Variants in F13A1 observed in about 807,000 individuals in gnomAD.
F13A1 encodes the protein coagulation factor XIII A chain, also known as FSF, A subunit.
Under a neutral mutation model 80.1 loss-of-function variants are expected in F13A1, and 47 were observed. The ratio of observed to expected loss-of-function variants is 0.59; its 90% CI spans 0.46 to 0.75. The LOEUF (loss-of-function observed/expected upper bound fraction) is 0.75, where lower values mean the gene tolerates loss of function less well. Among genes scored for constraint, F13A1 ranks in the 30% least tolerant of loss-of-function variants. F13A1 has a pLI of 0.00. For missense variants in F13A1, 817 were observed against 930.4 expected, an observed-to-expected ratio of 0.88 and a Z score of 1.59; for synonymous variants, 349 against 344.9, an observed-to-expected ratio of 1.01 and a Z score of -0.13.
chr6:6,182,804 T>G lies in F13A1; in HGVS notation c.1306-663A>C, dbSNP rs112332484. On this transcript the variant is annotated intron_variant, in intron 10 of 14. Coordinates refer to ENST00000264870, the MANE Select transcript of F13A1 (RefSeq NM_000129.4). ...CTAAGCCCGCATCAGGACCACCTATTTCAGGATTTCTTATATGAGAAAATC... is the reference window on the plus strand; with the variant it reads ...CTAAGCCCGCATCAGGACCACCTATGTCAGGATTTCTTATATGAGAAAATC... Among the ~76,000 whole-genome samples the G allele has an allele frequency of 8.5e-3, 1,299 of 152,322 alleles. 19 individuals carry two copies. The highest frequency in any genetic ancestry group is 0.029 in the African/African-American group (1,195 of 41,564).
At chr6:6,249,590 T>C (rs1757602510) in intron 5 of F13A1, among the ~76,000 whole-genome samples, 1 of 152,220 alleles carries the variant, frequency 6.6e-6, no homozygotes. Context: ...AAGAGTGCCC[T>C]GACTGGGCTT....
At chr6:6,171,085 A>G (rs900335617) in intron 12 of F13A1, among the ~76,000 whole-genome samples, 1 of 152,168 alleles carries the variant, frequency 6.6e-6, no homozygotes, top group Admixed American at 6.5e-5. Context: ...TAATTGGATT[A>G]AAGAGGGAAG....
intron 3 of F13A1, among the ~76,000 whole-genome samples, chr6:6,273,069 G>T (rs548894128): frequency 1.5e-4 from 23 of 152,258 alleles, no homozygotes; most frequent in Non-Finnish European, 2.8e-4. Context: ...TGCTCTCTGT[G>T]ACTCACCCTG....
intron 13 of F13A1, among the ~76,000 whole-genome samples, chr6:6,160,285 A>AG (rs1760550600): frequency 6.6e-6 from 1 of 150,652 alleles, no homozygotes; most frequent in African/African-American, 2.4e-5. Flanking sequence ...TAAAAAAAAA[A>AG]AAGGAAAGAA....
At chr6:6,292,472 G>A (rs535538677) in intron 3 of F13A1, among the ~76,000 whole-genome samples, 6 of 152,074 alleles carry the variant, frequency 3.9e-5, no homozygotes, top group South Asian at 4.2e-4. Flanking sequence ...CCATAACCCC[G>A]GTTCTCATCC....
chr6:6,306,807 G>A (rs969383361), intron 2 of F13A1, among the ~76,000 whole-genome samples: 2 of 152,210 alleles, frequency 1.3e-5, no homozygotes, highest in Non-Finnish European at 2.9e-5. Context: ...TACCCATGCC[G>A]GGGCATCTCC....
chr6:6,245,341 G>A (rs914782764), intron 6 of F13A1, among the ~76,000 whole-genome samples: 2 of 152,100 alleles, frequency 1.3e-5, no homozygotes, highest in Admixed American at 1.3e-4. Context: ...TCCTGCCTCA[G>A]CCTCCTGAGT....
At chr6:6,161,539 TGTGTGTGTGTGTGAGAGAGA>T (rs931307249) in intron 13 of F13A1, among the ~76,000 whole-genome samples, 1 of 151,014 alleles carries the variant, frequency 6.6e-6, no homozygotes, top group African/African-American at 2.4e-5. Context: ...TGTGTGTGTG[TGTGTGTGTGTGTGAGAGAGA>T]GAGAGAGAGA....
At chr6:6,319,482 C>G (rs999331059) in intron 1 of F13A1, among the ~76,000 whole-genome samples, 2 of 152,202 alleles carry the variant, frequency 1.3e-5, no homozygotes, top group Non-Finnish European at 1.5e-5. Context: ...TCCCTTGGAG[C>G]TTGTGCAGGC....
At position 6,305,263 on chromosome 6, in the gene F13A1, C is replaced by G. The variant is rs557338998; in HGVS notation, c.319+88G>C. 2.7e-5 allele frequency: 38 copies of G among 1,433,750 alleles called. No homozygotes were observed. In the Middle Eastern group the frequency reaches 1.0e-3, roughly 39 times the overall value. 88.8% of individuals were successfully genotyped at this position (1,433,750 alleles called of 1,614,324 possible). On this transcript the variant is annotated intron_variant, in intron 3 of 14. Transcript: ENST00000264870. ...CTCCTGCCACTGTTGACATATGACA[C>G]TAGGAAATCACACAACTGTGCCTGT...
intron 3 of F13A1, among the ~76,000 whole-genome samples, chr6:6,274,920 T>C (rs1341668943): frequency 6.6e-6 from 1 of 152,110 alleles, no homozygotes; most frequent in Non-Finnish European, 1.5e-5. Context: ...AAACTCAGGA[T>C]ACCTGTGGCA....
intron 2 of F13A1, among the ~76,000 whole-genome samples, chr6:6,307,977 A>ATT (rs397733760): frequency 7.2e-4 from 106 of 148,090 alleles, no homozygotes; most frequent in Middle Eastern, 6.9e-3. Flanking sequence ...TGCTCATAGG[A>ATT]TTTTTTTTTT....
intron 13 of F13A1, among the ~76,000 whole-genome samples, chr6:6,152,503 T>C (rs1760397089): frequency 6.6e-6 from 1 of 152,032 alleles, no homozygotes; most frequent in African/African-American, 2.4e-5. Flanking sequence ...AGTACCAGAG[T>C]CCAGGAAAAT....
chr6:6,171,946 T>C (rs1760782373), intron 12 of F13A1, among the ~76,000 whole-genome samples: 1 of 152,196 alleles, frequency 6.6e-6, no homozygotes, highest in South Asian at 2.1e-4. Context: ...GGGTTTTTTT[T>C]CTGACCATCT....
At chr6:6,271,544 G>C (rs193186479) in intron 3 of F13A1, among the ~76,000 whole-genome samples, 9 of 152,276 alleles carry the variant, frequency 5.9e-5, no homozygotes, top group Non-Finnish European at 7.4e-5. Context: ...GCAACTTTGC[G>C]TTAAAAACAT....
At chr6:6,181,042 C>A (rs1454832246) in intron 11 of F13A1, among the ~76,000 whole-genome samples, 4 of 152,168 alleles carry the variant, frequency 2.6e-5, no homozygotes, top group Admixed American at 2.0e-4. Flanking sequence ...TCCTCCAGTT[C>A]TGGCCACTGC....
chr6:6,200,385 G>A (rs1761372033), intron 8 of F13A1, among the ~76,000 whole-genome samples: 1 of 151,966 alleles, frequency 6.6e-6, no homozygotes, highest in Admixed American at 6.6e-5. Context: ...TGGGCAACAT[G>A]GCGAAACCCT....
At chr6:6,299,793 G>C (rs1423246701) in intron 3 of F13A1, among the ~76,000 whole-genome samples, 1 of 148,508 alleles carries the variant, frequency 6.7e-6, no homozygotes, top group Admixed American at 6.6e-5. Flanking sequence ...TGCTGGTGAG[G>C]AACTTCATTT....
At chr6:6,150,173 G>A (rs1023220690) in intron 14 of F13A1, among the ~76,000 whole-genome samples, 5 of 152,160 alleles carry the variant, frequency 3.3e-5, no homozygotes, top group African/African-American at 1.2e-4. Context: ...GTCTGGGAAG[G>A]AAAAAGTTGG....
Sources: allele counts gnomAD v4.1 joint callset (sites outside exome capture counted in the v4.1 genomes callset), GRCh38; gene constraint gnomAD v4.1.1; transcripts MANE v1.5; gene names NCBI Gene and HGNC (gene_info 2026-07-23, HGNC 2026-07-21).